Variants in CHMP2B observed in about 807,000 individuals in gnomAD.
CHMP2B encodes VPS2 homolog B.
In CHMP2B, 22 loss-of-function variants were observed where a neutral mutation model predicts 29.8. The observed-to-expected ratio is 0.74, with a 90% confidence interval of 0.53 to 1.05. The LOEUF is 1.05. Ranked by LOEUF, CHMP2B falls within the 50% of genes least tolerant of loss-of-function variation. The probability of loss-of-function intolerance (pLI) is 0.00; values close to 1 mark genes in which losing one functional copy is unlikely to be tolerated. For synonymous variants in CHMP2B, 78 were observed against 75.8 expected, an observed-to-expected ratio of 1.03 and a Z score of -0.15; for missense variants, 261 against 252.2, an observed-to-expected ratio of 1.03 and a Z score of -0.24.
rs1705831904 is a variant in CHMP2B at position 87,227,519 on chromosome 3, A to C, written c.-4A>C. 1 of 1,613,968 alleles carries C rather than the reference A, an allele frequency of 6.2e-7. No homozygotes were observed. Among genetic ancestry groups the C allele is most frequent in the Non-Finnish European group, 8.5e-7 (1 of 1,180,022 alleles). The stretch of plus-strand genomic sequence containing the variant: ...GCCGGGCCGCCCGGGCGCAGTCTTT[A>C]ACCATGGCGTCCCTCTTCAAGAAGA... On this transcript the variant is annotated 5_prime_UTR_variant, in exon 1 of 6. Transcript: ENST00000263780.
At chr3:87,249,101 G>GTATA (rs1174038243) in intron 3 of CHMP2B, among the ~76,000 whole-genome samples, 1 of 152,058 alleles carries the variant, frequency 6.6e-6, no homozygotes, top group African/African-American at 2.4e-5. Flanking sequence ...AGGCTATATG[G>GTATA]TATAGCCTGT....
At position 87,227,552 on chromosome 3, in the gene CHMP2B, G is replaced by C; in HGVS notation, c.30G>C (p.Val10=). The C allele has an allele frequency of 6.2e-7, 1 of 1,614,176 alleles. No homozygotes were observed. The highest frequency in any genetic ancestry group is 8.5e-7 in the Non-Finnish European group (1 of 1,180,030). Reference sequence around the variant, plus strand: ...CGTCCCTCTTCAAGAAGAAAACCGTGGATGGTGAGTTCCAGGCCGGGCTGA... The same window carrying C: ...CGTCCCTCTTCAAGAAGAAAACCGTCGATGGTGAGTTCCAGGCCGGGCTGA... MASLFKKKT[V]DDVIKEQNRE... Residue 10 remains valine, a synonymous_variant, in exon 1 of 6, where the codon GTG becomes GTC. Coordinates refer to ENST00000263780, the MANE Select transcript of CHMP2B (RefSeq NM_014043.4).
At position 87,245,965 on chromosome 3, in the gene CHMP2B, T is replaced by A. The variant is rs1453726204; in HGVS notation, c.321+57T>A. The stretch of plus-strand genomic sequence containing the variant: ...TAATTTTATCAACGATATTTAAATA[T>A]CAATATTGAAAGCAGATTTAAAAGC... On this transcript the variant is annotated intron_variant, in intron 3 of 5. Transcript: ENST00000263780. 8.4e-6 allele frequency: 12 copies of A among 1,421,494 alleles called. No individual in the cohort carries two copies. In the Admixed American group the frequency reaches 1.6e-4, roughly 19 times the overall value. 88.1% of individuals were successfully genotyped at this position (1,421,494 alleles called of 1,614,324 possible).
In CHMP2B at chr3:87,253,411, T is replaced by C; in HGVS notation, c.432T>C (p.Asp144=). ...KMEMTEEMIN[D]TLDDIFDGSD... ...TTCTCCCATATCCCCTAGTCAATGA[T>C]ACACTTGATGACATCTTTGACGGTT... Residue 144 remains aspartate (D), a synonymous_variant, in exon 5 of 6, where the codon GAT becomes GAC. Transcript: ENST00000263780. 6.3e-7 allele frequency: 1 copy of C among 1,598,826 alleles called. No homozygotes were observed. The highest frequency in any genetic ancestry group is 8.6e-7 in the Non-Finnish European group (1 of 1,166,462).
At chr3:87,245,557 A>T (rs1447177396) in intron 2 of CHMP2B, among the ~76,000 whole-genome samples, 157 bp from the exon 3 acceptor site, 1 of 151,426 alleles carries the variant, frequency 6.6e-6, no homozygotes, top group East Asian at 1.9e-4. Context: ...GCCTTCTTAG[A>T]TTTCTCTTTT....
intron 1 of CHMP2B, among the ~76,000 whole-genome samples, chr3:87,235,041 A>G (rs1329051477): frequency 3.3e-5 from 5 of 152,240 alleles, no homozygotes; most frequent in East Asian, 3.8e-4. Context: ...TTCAATGTAT[A>G]TGTTTGTACT....
intron 3 of CHMP2B, among the ~76,000 whole-genome samples, chr3:87,247,043 A>G (rs1706226687): frequency 1.3e-5 from 2 of 152,198 alleles, no homozygotes; most frequent in Admixed American, 6.5e-5. Context: ...AAATAGCCTC[A>G]GAGGAAAGTA....
intron 1 of CHMP2B, among the ~76,000 whole-genome samples, chr3:87,229,348 G>T (rs1194624030): frequency 1.3e-5 from 2 of 152,132 alleles, no homozygotes; most frequent in African/African-American, 2.4e-5. Flanking sequence ...AAGGACTCTT[G>T]CTAGGAACTA....
intron 1 of CHMP2B, among the ~76,000 whole-genome samples, chr3:87,227,809 A>C (rs1333629558): frequency 6.6e-6 from 1 of 152,174 alleles, no homozygotes; most frequent in Non-Finnish European, 1.5e-5. Context: ...CCTCAGCAGG[A>C]TCCTGAGCGT....
At chr3:87,230,005 G>C (rs1444696310) in intron 1 of CHMP2B, among the ~76,000 whole-genome samples, 1 of 152,108 alleles carries the variant, frequency 6.6e-6, no homozygotes, top group African/African-American at 2.4e-5. Flanking sequence ...GGATTCTTTG[G>C]AATTTGAAAT....
intron 1 of CHMP2B, among the ~76,000 whole-genome samples, chr3:87,230,639 T>C (rs142013785): frequency 1.2e-3 from 186 of 152,276 alleles, no homozygotes; most frequent in African/African-American, 4.1e-3. Context: ...CTCCTGACTC[T>C]CCCTGGACAC....
At chr3:87,246,923 CT>C (rs1280193717) in intron 3 of CHMP2B, among the ~76,000 whole-genome samples, 2 of 152,088 alleles carry the variant, frequency 1.3e-5, no homozygotes, top group Non-Finnish European at 2.9e-5. Context: ...CTGCACAGAC[CT>C]TTGAGTAGGG....
chr3:87,240,518 C>A (rs1369432049), intron 1 of CHMP2B, 181 bp from the exon 2 acceptor site: 1 of 509,356 alleles, frequency 2.0e-6, no homozygotes, highest in Non-Finnish European at 3.7e-6. Flanking sequence ...CCATGTTGGT[C>A]AGGCTGGTCT....
chr3:87,227,626 G>T, intron 1 of CHMP2B, 70 bp downstream of exon 1: 2 of 1,584,424 alleles, frequency 1.3e-6, no homozygotes, highest in South Asian at 2.2e-5. Context: ...CCTGCTGGCC[G>T]CGATTCTGCC....
chr3:87,251,061 C>T (rs1331923755), intron 4 of CHMP2B, among the ~76,000 whole-genome samples: 1 of 151,816 alleles, frequency 6.6e-6, no homozygotes, highest in African/African-American at 2.4e-5. Context: ...ACCAGTTTAG[C>T]TTTGCTTATC....
chr3:87,231,596 TGTGA>T (rs1214430298), intron 1 of CHMP2B, among the ~76,000 whole-genome samples: 1 of 152,158 alleles, frequency 6.6e-6, no homozygotes, highest in Admixed American at 6.5e-5. Flanking sequence ...CAGGATCCAC[TGTGA>T]GTGTTTTAAT....
At chr3:87,248,305 A>AAG (rs1053091125) in intron 3 of CHMP2B, among the ~76,000 whole-genome samples, 22 of 151,516 alleles carry the variant, frequency 1.5e-4, no homozygotes, top group African/African-American at 3.1e-4. Flanking sequence ...CTCAAAAAAA[A>AAG]AGAGAGAGAG....
intron 3 of CHMP2B, among the ~76,000 whole-genome samples, chr3:87,247,546 G>A (rs377119707): frequency 1.3e-5 from 2 of 152,192 alleles, no homozygotes; most frequent in African/African-American, 4.8e-5. Context: ...CCCCTTGTTT[G>A]ACCTCAGCTG....
chr3:87,250,078 T>C, intron 4 of CHMP2B, 101 bp downstream of exon 4: 1 of 711,308 alleles, frequency 1.4e-6, no homozygotes, highest in Admixed American at 2.6e-5. Flanking sequence ...GCAGAAATGA[T>C]GAAACCAAAG....
Sources: gnomAD v4.1 joint callset for allele counts (sites outside exome capture counted in the v4.1 genomes callset) on GRCh38, gnomAD v4.1.1 for gene constraint, MANE v1.5 for transcripts, NCBI Gene and HGNC (gene_info 2026-07-23, HGNC 2026-07-21) for gene names.